The following RAB3B variants were observed in gnomAD, a reference collection of about 807,000 sequenced individuals.
RAB3B encodes the protein RAB3B, member RAS oncogene family.
A neutral mutation model predicts 20.5 loss-of-function variants in RAB3B; 11 were observed. The ratio of observed to expected loss-of-function variants is 0.54; its 90% CI spans 0.34 to 0.89. The LOEUF (loss-of-function observed/expected upper bound fraction) is 0.89. Ranked by LOEUF, RAB3B falls within the 40% of genes least tolerant of loss-of-function variation. RAB3B has a pLI of 0.02. For synonymous variants in RAB3B, 99 were observed against 106.3 expected, an observed-to-expected ratio of 0.93 and a Z score of 0.42; for missense variants, 225 against 280.9, an observed-to-expected ratio of 0.80 and a Z score of 1.42.
intron 2 of RAB3B, among the ~76,000 whole-genome samples, chr1:51,971,910 G>A (rs775071363): frequency 5.9e-5 from 9 of 152,184 alleles, no homozygotes; most frequent in Non-Finnish European, 1.3e-4. Flanking sequence ...GCCAGGCACG[G>A]TGGGTCACGC....
At chr1:51,980,524 T>C in intron 1 of RAB3B, 1 of 735,970 alleles carries the variant, frequency 1.4e-6, no homozygotes, top group Non-Finnish European at 2.5e-6. Flanking sequence ...CTGCAGCCAC[T>C]TGCAGCCTAT....
chr1:51,952,526 A>G (rs1684654814), intron 2 of RAB3B, among the ~76,000 whole-genome samples: 1 of 152,144 alleles, frequency 6.6e-6, no homozygotes, highest in Admixed American at 6.5e-5. Flanking sequence ...TATATCAGGA[A>G]TTTGCTTCCA....
intron 1 of RAB3B, among the ~76,000 whole-genome samples, chr1:51,981,234 C>T (rs2809931): frequency 0.96 from 146,821 of 152,264 alleles, 71,014 homozygotes; most frequent in East Asian, 1. Flanking sequence ...TTTCACCATG[C>T]TGTCCAGGCT....
chr1:51,967,521 CTTTT>C (rs71041868), intron 2 of RAB3B, among the ~76,000 whole-genome samples: 6 of 36,514 alleles, frequency 1.6e-4, no homozygotes, highest in Admixed American at 6.3e-4. Context: ...TTTTCTTTTT[CTTTT>C]TTTTTTTTTT....
At chr1:51,928,385 G>A (rs1684276125) in intron 4 of RAB3B, among the ~76,000 whole-genome samples, 1 of 152,220 alleles carries the variant, frequency 6.6e-6, no homozygotes, top group African/African-American at 2.4e-5. Context: ...GGGATTACAG[G>A]CGTGAGCCAC....
At chr1:51,982,582 A>T (rs1237654082) in intron 1 of RAB3B, among the ~76,000 whole-genome samples, 2 of 151,910 alleles carry the variant, frequency 1.3e-5, no homozygotes, top group East Asian at 3.9e-4. Context: ...GTGAAACCTC[A>T]TCTCTACTAA....
chr1:51,947,631 C>T (rs915737759), intron 2 of RAB3B, among the ~76,000 whole-genome samples: 2 of 152,128 alleles, frequency 1.3e-5, no homozygotes, highest in Admixed American at 1.3e-4. Flanking sequence ...CACATGTGAT[C>T]CAACACACAC....
chr1:51,941,875 T>C (rs563094085), intron 2 of RAB3B, among the ~76,000 whole-genome samples: 2 of 152,216 alleles, frequency 1.3e-5, no homozygotes, highest in Non-Finnish European at 2.9e-5. Context: ...AGTGGGAGGA[T>C]AAATGAATAG....
chr1:51,949,708 G>A (rs953126226), intron 2 of RAB3B, among the ~76,000 whole-genome samples: 1 of 152,226 alleles, frequency 6.6e-6, no homozygotes, highest in African/African-American at 2.4e-5. Flanking sequence ...CCCATCAGCA[G>A]CAGCCCAACA....
intron 3 of RAB3B, 62 bp from the exon 4 acceptor site, chr1:51,933,504 C>A (rs999933755): frequency 1.3e-6 from 2 of 1,489,206 alleles, no homozygotes; most frequent in South Asian, 2.5e-5. Context: ...TCTGTGTCCC[C>A]ACCTCCAAAT....
intron 2 of RAB3B, among the ~76,000 whole-genome samples, chr1:51,941,773 C>T (rs1335758507): frequency 6.6e-6 from 1 of 152,186 alleles, no homozygotes; most frequent in Non-Finnish European, 1.5e-5. Context: ...TCTTACTCTC[C>T]ACCTCAATCA....
At chr1:51,985,684 T>C (rs1450581535) in intron 1 of RAB3B, among the ~76,000 whole-genome samples, 1 of 152,166 alleles carries the variant, frequency 6.6e-6, no homozygotes, top group African/African-American at 2.4e-5. Context: ...TATATAAGTA[T>C]GTTTCATACA....
chr1:51,934,554 G>C (rs1384050685), intron 3 of RAB3B, among the ~76,000 whole-genome samples: 1 of 151,990 alleles, frequency 6.6e-6, no homozygotes, highest in Non-Finnish European at 1.5e-5. Flanking sequence ...GGCGGACCAC[G>C]AGGTCAGGAG....
rs373218480 is a variant in RAB3B, at chr1:51,941,996, T to C, written c.229-4584A>G. Reference sequence around the variant, plus strand: ...ATATCCACATCAAAGCTCTGTGTGTTTGTGACTAAGAAACATTGACGCAGT... The same window carrying C: ...ATATCCACATCAAAGCTCTGTGTGTCTGTGACTAAGAAACATTGACGCAGT... On this transcript the variant is annotated intron_variant, in intron 2 of 4. Transcript: ENST00000371655. 2.3e-4 allele frequency among the ~76,000 whole-genome samples: 35 copies of C among 152,352 alleles called. No homozygotes were observed. The East Asian group carries it at 3.1e-3, about 13-fold the overall frequency.
chr1:51,987,522 C>G (rs1685168054), intron 1 of RAB3B, among the ~76,000 whole-genome samples: 1 of 152,128 alleles, frequency 6.6e-6, no homozygotes, highest in African/African-American at 2.4e-5. Flanking sequence ...TTTCTTCTAG[C>G]AAGTCATCCT....
At chr1:51,952,988 C>T (rs571235315) in intron 2 of RAB3B, among the ~76,000 whole-genome samples, 1 of 152,254 alleles carries the variant, frequency 6.6e-6, no homozygotes, top group South Asian at 2.1e-4. Context: ...CTCCACTTAG[C>T]CTGAAACCAT....
chr1:51,961,414 C>A (rs1201326895), intron 2 of RAB3B, among the ~76,000 whole-genome samples: 1 of 152,098 alleles, frequency 6.6e-6, no homozygotes, highest in East Asian at 1.9e-4. Flanking sequence ...CCTGTGAGGT[C>A]CCTGGGGTAC....
chr1:51,912,270 CT>C lies in RAB3B; in HGVS notation c.*7656del, dbSNP rs1684010110. ...ACCTCAGCCTCCCAAGTAGCTGGGA[CT>C]ATAGGTGCAGGCTACTTTGCCCAGT... On this transcript the variant is annotated 3_prime_UTR_variant, in exon 5 of 5. Transcript: ENST00000371655. 6.6e-6 allele frequency: 1 copy of C among 150,928 alleles called. No homozygotes were observed. The highest frequency in any genetic ancestry group is 2.4e-5 in the African/African-American group (1 of 41,084). 9.3% of individuals were successfully genotyped at this position (150,928 alleles called of 1,614,324 possible). A position where few individuals can be genotyped will look rare whatever the true frequency, so the allele number is the denominator to read the frequency against.
chr1:51,979,263 T>A (rs1366284233), intron 1 of RAB3B, among the ~76,000 whole-genome samples: 5 of 151,032 alleles, frequency 3.3e-5, no homozygotes, highest in African/African-American at 1.2e-4. Context: ...TGTAAAGGCA[T>A]TATGCTTTTT....
Sources: gnomAD v4.1 joint callset for allele counts (sites outside exome capture counted in the v4.1 genomes callset) on GRCh38, gnomAD v4.1.1 for gene constraint, MANE v1.5 for transcripts, NCBI Gene and HGNC (gene_info 2026-07-23, HGNC 2026-07-21) for gene names.